Variants in LRP1B observed in about 807,000 individuals in gnomAD.
LRP1B encodes LDL receptor related protein 1B.
In LRP1B, 217 loss-of-function variants were observed where a neutral mutation model predicts 556.6. The observed-to-expected ratio is 0.39, with a 90% CI of 0.35 to 0.44. The LOEUF (loss-of-function observed/expected upper bound fraction) is 0.44, where lower values mean the gene tolerates loss of function less well. Ranked by LOEUF, LRP1B falls within the 20% of genes least tolerant of loss-of-function variation. The pLI is 1.00. For missense variants in LRP1B, 5,053 were observed against 5,620.8 expected (o/e 0.90, Z 3.23); for synonymous variants, 2,047 against 1,865.8 (o/e 1.10, Z -2.50).
At chr2:140,399,457 T>G (rs763723124) in intron 66 of LRP1B, among the ~76,000 whole-genome samples, 3 of 152,166 alleles carry the variant, frequency 2.0e-5, no homozygotes, top group Non-Finnish European at 4.4e-5. Context: ...TAAAGTACAG[T>G]TTTATTTTCT....
At position 140,950,308 on chromosome 2, in the gene LRP1B, G is replaced by A. The variant is rs764693452; in HGVS notation, c.3063C>T (p.Gly1021=). The A allele has an allele frequency of 6.2e-7, 1 of 1,612,886 alleles. No homozygotes were observed. Among genetic ancestry groups the A allele is most frequent in the Non-Finnish European group, 8.5e-7 (1 of 1,179,266 alleles). Residue 1021 remains glycine (G), a synonymous_variant, in exon 20 of 91, where the codon GGC becomes GGT. Transcript: ENST00000389484. ...CATTGTCACCATCACAGGCCCAGTG[G>A]CCTGGGATGCATCTGCCACTGGAAC... ...FRCSSGRCIP[G]HWACDGDNDC...
intron 7 of LRP1B, among the ~76,000 whole-genome samples, chr2:141,080,631 G>A (rs927540967): frequency 5.9e-5 from 9 of 152,228 alleles, no homozygotes; most frequent in African/African-American, 2.2e-4. Context: ...CACTGTACAT[G>A]TCAGGCTTGG....
chr2:141,106,810 T>C (rs1700614550), intron 7 of LRP1B, among the ~76,000 whole-genome samples: 1 of 152,216 alleles, frequency 6.6e-6, no homozygotes, highest in African/African-American at 2.4e-5. Flanking sequence ...AAACATATAC[T>C]GTCGTTGGTA....
intron 31 of LRP1B, among the ~76,000 whole-genome samples, chr2:140,836,216 T>G (rs1310843564): frequency 6.6e-6 from 1 of 152,182 alleles, no homozygotes; most frequent in Non-Finnish European, 1.5e-5. Flanking sequence ...ATATTGCATA[T>G]GGGCCTTTAA....
At chr2:141,439,797 ATAGTAAT>A (rs1332006968) in intron 3 of LRP1B, among the ~76,000 whole-genome samples, 1 of 152,232 alleles carries the variant, frequency 6.6e-6, no homozygotes, top group Non-Finnish European at 1.5e-5. Flanking sequence ...AATAATCCAC[ATAGTAAT>A]TAAAGATGTT....
At chr2:140,929,300 G>A (rs1694979346) in intron 20 of LRP1B, among the ~76,000 whole-genome samples, 2 of 152,104 alleles carry the variant, frequency 1.3e-5, no homozygotes, top group Non-Finnish European at 2.9e-5. Flanking sequence ...GTGGAAGACT[G>A]TCCTGGACTT....
chr2:141,544,382 C>T (rs1559131538), intron 2 of LRP1B, among the ~76,000 whole-genome samples: 22 of 65,712 alleles, frequency 3.3e-4, no homozygotes, highest in East Asian at 2.9e-3. Flanking sequence ...TCTTCTTCTT[C>T]TCCTCCTCCT....
At chr2:140,311,899 C>A (rs1440913506) in intron 83 of LRP1B, among the ~76,000 whole-genome samples, 1 of 151,724 alleles carries the variant, frequency 6.6e-6, no homozygotes, top group Non-Finnish European at 1.5e-5. Flanking sequence ...ACATATGTGA[C>A]TTGATATCCT....
At chr2:140,866,380 C>A (rs1007153234) in intron 27 of LRP1B, among the ~76,000 whole-genome samples, 5 of 152,006 alleles carry the variant, frequency 3.3e-5, no homozygotes, top group African/African-American at 1.2e-4. Flanking sequence ...AATATATCTA[C>A]TAAATCATTA....
At chr2:141,972,587 C>CAA (rs58540950) in intron 1 of LRP1B, among the ~76,000 whole-genome samples, 1 of 143,968 alleles carries the variant, frequency 6.9e-6, no homozygotes, top group Non-Finnish European at 1.5e-5. Flanking sequence ...AATGCAGGTG[C>CAA]AAAAAAAAAA....
chr2:141,368,194 A>G (rs922406839), intron 3 of LRP1B, among the ~76,000 whole-genome samples: 14 of 152,202 alleles, frequency 9.2e-5, no homozygotes, highest in African/African-American at 3.4e-4. Flanking sequence ...TAATCAAAGT[A>G]TGAATTGTGG....
At chr2:141,095,624 A>C (rs957507468) in intron 7 of LRP1B, among the ~76,000 whole-genome samples, 2 of 151,834 alleles carry the variant, frequency 1.3e-5, no homozygotes, top group African/African-American at 4.8e-5. Context: ...AACCTAAAGT[A>C]CATAGAGTTA....
intron 77 of LRP1B, among the ~76,000 whole-genome samples, chr2:140,344,161 A>G (rs1330238985): frequency 6.6e-6 from 1 of 151,864 alleles, no homozygotes; most frequent in Non-Finnish European, 1.5e-5. Flanking sequence ...TGCATGGTAC[A>G]GAACAAATTG....
At chr2:141,506,536 T>C (rs567616334) in intron 2 of LRP1B, among the ~76,000 whole-genome samples, 4 of 152,118 alleles carry the variant, frequency 2.6e-5, no homozygotes, top group Admixed American at 1.3e-4. Flanking sequence ...TGAAAGTGTC[T>C]ACTAGCATTA....
chr2:140,405,336 G>A (rs1198271823), intron 66 of LRP1B, among the ~76,000 whole-genome samples: 1 of 151,948 alleles, frequency 6.6e-6, no homozygotes, highest in Non-Finnish European at 1.5e-5. Context: ...TAAACCCAAA[G>A]CCAGCAGAAG....
At chr2:140,802,774 A>T (rs1476435240) in intron 32 of LRP1B, among the ~76,000 whole-genome samples, 1 of 152,170 alleles carries the variant, frequency 6.6e-6, no homozygotes, top group Non-Finnish European at 1.5e-5. Flanking sequence ...TTTGTTACTT[A>T]AAAAAGGGAG....
chr2:141,944,935 A>G (rs1028821426), intron 1 of LRP1B, among the ~76,000 whole-genome samples: 2 of 152,160 alleles, frequency 1.3e-5, no homozygotes, highest in South Asian at 2.1e-4. Flanking sequence ...GTTATCAACA[A>G]TAAGTGTAAA....
chr2:140,883,688 C>CCCCCCCA, intron 25 of LRP1B, 129 bp downstream of exon 25: 1 of 541,502 alleles, frequency 1.8e-6, no homozygotes, highest in East Asian at 3.8e-5. Context: ...CCGCCCCCGC[C>CCCCCCCA]ACACACACAC....
At chr2:140,289,111 A>C (rs1683273428) in intron 84 of LRP1B, among the ~76,000 whole-genome samples, 1 of 151,962 alleles carries the variant, frequency 6.6e-6, no homozygotes, top group Non-Finnish European at 1.5e-5. Context: ...AAAATTACTA[A>C]ATATAATTAC....
Sources: allele counts gnomAD v4.1 joint callset (sites outside exome capture counted in the v4.1 genomes callset), GRCh38; gene constraint gnomAD v4.1.1; transcripts MANE v1.5; gene names NCBI Gene and HGNC (gene_info 2026-07-23, HGNC 2026-07-21).